FREM2: variants seen among roughly 807,000 people sequenced by gnomAD.
FREM2 encodes FRAS1-related extracellular matrix protein 2.
FREM2 carries 119 observed loss-of-function variants against 219.9 expected under a neutral mutation model. The observed-to-expected ratio is 0.54, with a 90% CI of 0.47 to 0.63. The LOEUF (loss-of-function observed/expected upper bound fraction) is 0.63. Among genes scored for constraint, FREM2 ranks in the 30% least tolerant of loss-of-function variants. The pLI, the probability that FREM2 is intolerant of heterozygous loss-of-function variation, is 0.00. For synonymous variants in FREM2, 1,562 were observed against 1,522.8 expected (o/e 1.03, Z -0.60); for missense variants, 4,030 against 3,993.6 (o/e 1.01, Z -0.25).
intron 6 of FREM2, among the ~76,000 whole-genome samples, chr13:38,840,631 T>C (rs9548482): frequency 5.5e-5 from 8 of 145,602 alleles, no homozygotes; most frequent in Admixed American, 6.7e-5. Context: ...CTAAAATATA[T>C]ATATATATAT....
chr13:38,832,412 G>A (rs905189881), intron 6 of FREM2, among the ~76,000 whole-genome samples: 3 of 152,068 alleles, frequency 2.0e-5, no homozygotes, highest in African/African-American at 7.2e-5. Context: ...AATGCTACTT[G>A]AAAAAGTTAA....
chr13:38,867,340 C>G (rs1007395178), intron 16 of FREM2, among the ~76,000 whole-genome samples: 2 of 152,192 alleles, frequency 1.3e-5, no homozygotes, highest in African/African-American at 4.8e-5. Flanking sequence ...AATAGCATAA[C>G]CATCATGATC....
At chr13:38,717,412 CTT>C (rs386378868) in intron 2 of FREM2, among the ~76,000 whole-genome samples, 939 of 90,108 alleles carry the variant, frequency 0.01, 13 homozygotes, top group African/African-American at 0.037. Context: ...TACATAAGTA[CTT>C]TTTTTTTTTT....
intron 2 of FREM2, among the ~76,000 whole-genome samples, chr13:38,718,336 G>A (rs1462420800): frequency 6.6e-6 from 1 of 152,168 alleles, no homozygotes; most frequent in African/African-American, 2.4e-5. Context: ...TACTCCAGGG[G>A]TGAAAAGGTG....
intron 2 of FREM2, among the ~76,000 whole-genome samples, chr13:38,726,436 G>C (rs1475762755): frequency 6.6e-6 from 1 of 152,150 alleles, no homozygotes; most frequent in Admixed American, 6.6e-5. Flanking sequence ...GCCTTAAGAA[G>C]AGCAGTTCCC....
In FREM2 at chr13:38,850,157, C is replaced by A. The variant is rs114837786; in HGVS notation, c.6499C>A (p.Arg2167=). 6.2e-7 allele frequency: 1 copy of A among 1,613,974 alleles called. No individual in the cohort carries two copies. Among genetic ancestry groups the A allele is most frequent in the East Asian group, 2.2e-5 (1 of 44,856 alleles). ...CAGATCTTCAGTGAGATGCTACACC[C>A]GGCAGGGGTCTGCACAGGTGATGAT... ...QYRSSVRCYT[R]QGSAQVMMDF... Residue 2167 remains arginine, a synonymous_variant, in exon 9 of 24, where the codon CGG becomes AGG. Coordinates refer to ENST00000280481, the MANE Select transcript of FREM2 (RefSeq NM_207361.6).
In FREM2 at chr13:38,691,688, C is replaced by G. The variant is rs1429515434; in HGVS notation, c.4344C>G (p.Asp1448Glu). ...TLTTDLLSTSDLNSPDENLVF... is the reference protein window; with the variant it reads ...TLTTDLLSTSELNSPDENLVF... ...CAACAGACCTACTAAGCACTAGTGACTTGAACAGTCCTGATGAAAACTTGG... is the reference window on the plus strand; with the variant it reads ...CAACAGACCTACTAAGCACTAGTGAGTTGAACAGTCCTGATGAAAACTTGG... Residue 1448 changes from aspartate to glutamate, a missense_variant, in exon 1 of 24, where the codon GAC becomes GAG. Transcript: ENST00000280481. 1.2e-6 allele frequency: 2 copies of G among 1,614,106 alleles called. No individual in the cohort carries two copies. The highest frequency in any genetic ancestry group is 1.7e-6 in the Non-Finnish European group (2 of 1,179,978).
At position 38,691,330 on chromosome 13, in the gene FREM2, C is replaced by T; in HGVS notation, c.3986C>T (p.Ala1329Val). Residue 1329 changes from alanine (A) to valine (V), a missense_variant, in exon 1 of 24, where the codon GCA becomes GTA. This residue lies in a region of FREM2 where 3,102 missense variants were observed against 2,950.7 expected (regional missense o/e 1.05). Coordinates refer to ENST00000280481, the MANE Select transcript of FREM2 (RefSeq NM_207361.6). ...TKIINNKILMATDLDSEDKSL... is the reference protein window; with the variant it reads ...TKIINNKILMVTDLDSEDKSL... Reference sequence around the variant, plus strand: ...ATTATCAACAACAAAATATTAATGGCAACAGATTTAGATTCAGAAGACAAA... The same window carrying T: ...ATTATCAACAACAAAATATTAATGGTAACAGATTTAGATTCAGAAGACAAA... The T allele has an allele frequency of 1.2e-6, 2 of 1,613,680 alleles. No individual in the cohort carries two copies. The highest frequency in any genetic ancestry group is 1.7e-6 in the Non-Finnish European group (2 of 1,179,668).
At position 38,859,410 on chromosome 13, in the gene FREM2, A is replaced by G. The variant is rs1200673773; in HGVS notation, c.7339A>G (p.Thr2447Ala). ...TGCACCTGCGGGCCCTGACGGTGTG[A>G]CCAGCCCTATGAGAGAAGTGGACTT... ...ISAPAGPDGV[T>A]SPMREVDFDT... is the part of the protein sequence containing the mutation. Residue 2447 changes from threonine to alanine, a missense_variant, in exon 14 of 24, where the codon ACC becomes GCC. This residue lies in a region of FREM2 where 928 missense variants were observed against 1,042.9 expected (regional missense o/e 0.89). Transcript: ENST00000280481. The G allele has an allele frequency of 6.2e-7, 1 of 1,614,152 alleles. No individual in the cohort carries two copies. The highest frequency in any genetic ancestry group is 8.5e-7 in the Non-Finnish European group (1 of 1,180,018).
rs1234753959 is a variant in FREM2 at position 38,774,332 on chromosome 13, T to C, written c.5641+4524T>C. 2.0e-5 allele frequency among the ~76,000 whole-genome samples: 3 copies of C among 152,218 alleles called. No individual in the cohort carries two copies. In the East Asian group the frequency reaches 5.8e-4, roughly 29 times the overall value. On this transcript the variant is annotated intron_variant, in intron 4 of 23. Coordinates refer to ENST00000280481, the MANE Select transcript of FREM2 (RefSeq NM_207361.6). Reference sequence around the variant, plus strand: ...TGTCTGTATATTCAACAAATGCTTATTAAACATCTACTCTATGCCAGGAAT... The same window carrying C: ...TGTCTGTATATTCAACAAATGCTTACTAAACATCTACTCTATGCCAGGAAT...
intron 2 of FREM2, among the ~76,000 whole-genome samples, chr13:38,763,631 T>C (rs1404963236): frequency 6.6e-6 from 1 of 152,022 alleles, no homozygotes; most frequent in African/African-American, 2.4e-5. Context: ...TTACCCAACA[T>C]AGTCGCTTTC....
intron 2 of FREM2, among the ~76,000 whole-genome samples, chr13:38,756,668 C>T (rs1873016015): frequency 6.6e-6 from 1 of 151,586 alleles, no homozygotes; most frequent in Non-Finnish European, 1.5e-5. Flanking sequence ...GGTGAGACTA[C>T]AGGCATGTGC....
chr13:38,748,913 A>ATG (rs1872590189), intron 2 of FREM2, among the ~76,000 whole-genome samples: 1 of 152,178 alleles, frequency 6.6e-6, no homozygotes, highest in African/African-American at 2.4e-5. Context: ...CTGTGCATGC[A>ATG]TGTGTGTGCA....
intron 6 of FREM2, among the ~76,000 whole-genome samples, chr13:38,799,991 G>A (rs370454456): frequency 3.3e-5 from 5 of 152,118 alleles, no homozygotes; most frequent in African/African-American, 9.6e-5. Context: ...TGATATATGC[G>A]ACTTTGTTAC....
Position 38,872,817 on chromosome 13 carries a change from G to C in FREM2, c.8059G>C (p.Gly2687Arg), listed in dbSNP as rs758293215. The C allele has an allele frequency of 2.5e-6, 4 of 1,614,054 alleles. No individual in the cohort carries two copies. In the Admixed American group the frequency reaches 5.0e-5, roughly 20 times the overall value. The change falls in exon 17 of 24, where the codon GGG becomes CGG. Residue 2687 changes from glycine (G) to arginine (R), a missense_variant. This residue lies in a region of FREM2 where 928 missense variants were observed against 1,042.9 expected (regional missense o/e 0.89). Coordinates refer to ENST00000280481, the MANE Select transcript of FREM2 (RefSeq NM_207361.6). ...TTCCTACGTGTTCCATTCCCCCGTG[G>C]GGGTAGGAGGCTGGCAGCATTTTGA... ...YVSYVFHSPV[G>R]VGGWQHFDLK...
chr13:38,837,785 G>GTTTTTTTTTTTTTTT (rs1333688816), intron 6 of FREM2, among the ~76,000 whole-genome samples: 5 of 137,990 alleles, frequency 3.6e-5, no homozygotes, highest in African/African-American at 1.3e-4. Context: ...GTTTTGTTTT[G>GTTTTTTTTTTTTTTT]TTTTGTTTTT....
At chr13:38,748,276 A>G (rs1481463387) in intron 2 of FREM2, among the ~76,000 whole-genome samples, 1 of 152,202 alleles carries the variant, frequency 6.6e-6, no homozygotes, top group Non-Finnish European at 1.5e-5. Flanking sequence ...ACAAACTAAC[A>G]TATTTATTTT....
Position 38,880,645 on chromosome 13 carries a change from T to C in FREM2, c.9368T>C (p.Leu3123Pro), listed in dbSNP as rs116319550. The change falls in exon 24 of 24, where the codon CTC (leucine) becomes CCC (proline). Residue 3123 changes from leucine to proline, a missense_variant. This residue lies in a region of FREM2 where 928 missense variants were observed against 1,042.9 expected (regional missense o/e 0.89). Transcript: ENST00000280481. Reference sequence around the variant, plus strand: ...GTGGGAGGCACCACGGTAGGGTTACTCACCATCTGCCTCACTGTCATTGCA... The same window carrying C: ...GTGGGAGGCACCACGGTAGGGTTACCCACCATCTGCCTCACTGTCATTGCA... Reference protein sequence around the residue: ...TVVGGTTVGLLTICLTVIAVL... With the variant: ...TVVGGTTVGLPTICLTVIAVL... 6.2e-7 allele frequency: 1 copy of C among 1,614,118 alleles called. No individual in the cohort carries two copies. The highest frequency in any genetic ancestry group is 2.2e-5 in the East Asian group (1 of 44,864).
Position 38,859,309 on chromosome 13 carries a change from A to C in FREM2, c.7238A>C (p.Asp2413Ala). 1 of 1,614,218 alleles carries C rather than the reference A, an allele frequency of 6.2e-7. No homozygotes were observed. The highest frequency in any genetic ancestry group is 8.5e-7 in the Non-Finnish European group (1 of 1,180,018). Residue 2413 changes from aspartate to alanine, a missense_variant, in exon 14 of 24, where the codon GAC becomes GCC. Asp to Ala is a moderately radical substitution (Grantham distance 126, BLOSUM62 -2). This residue lies in a region of FREM2 where 928 missense variants were observed against 1,042.9 expected (regional missense o/e 0.89). Transcript: ENST00000280481. ...CITACNPKYS[D>A]YDKTGSICAS... ...TAGGCTTGCAACCCCAAATATTCAG[A>C]CTACGATAAAACAGGCTCTATCTGT...
Sources: allele counts gnomAD v4.1 joint callset (sites outside exome capture counted in the v4.1 genomes callset), GRCh38; gene constraint gnomAD v4.1.1; regional missense constraint gnomAD v4.1.1; transcripts MANE v1.5; gene names NCBI Gene and HGNC (gene_info 2026-07-23, HGNC 2026-07-21).